Variants in SLCO1B3 observed in about 807,000 individuals in gnomAD.
SLCO1B3 encodes the protein liver-specific organic anion transporter 2.
In SLCO1B3, 72 loss-of-function variants were observed where a neutral mutation model predicts 71.8. The observed-to-expected ratio is 1.00, with a 90% CI of 0.83 to 1.22. SLCO1B3 has a LOEUF of 1.22. Ranked by LOEUF, SLCO1B3 falls within the 50% of genes most tolerant of loss-of-function variation. The probability of loss-of-function intolerance (pLI) is 0.00; values close to 1 mark genes in which losing one functional copy is unlikely to be tolerated. For synonymous variants in SLCO1B3, 298 were observed against 278.4 expected, an observed-to-expected ratio of 1.07 and a Z score of -0.70; for missense variants, 911 against 819.7, an observed-to-expected ratio of 1.11 and a Z score of -1.36.
chr12:20,837,012 C>A (rs1429203131), intron 3 of SLCO1B3, among the ~76,000 whole-genome samples: 1 of 152,152 alleles, frequency 6.6e-6, no homozygotes, highest in Non-Finnish European at 1.5e-5. Context: ...TAATTCAGAT[C>A]ATCAGTTTTT....
chr12:20,831,440 A>G (rs913851620), intron 3 of SLCO1B3, among the ~76,000 whole-genome samples: 14 of 151,986 alleles, frequency 9.2e-5, no homozygotes, highest in Admixed American at 1.3e-4. Flanking sequence ...TTGATTAATC[A>G]TATCTACAAG....
chr12:20,877,903 G>A lies in SLCO1B3; in HGVS notation c.1102G>A (p.Gly368Ser), dbSNP rs370237473. The change falls in exon 10 of 16, where the codon GGT becomes AGT. Residue 368 changes from glycine to serine, a missense_variant. Gly to Ser is a moderately conservative substitution (Grantham distance 56). Coordinates refer to ENST00000381545, the MANE Select transcript of SLCO1B3 (RefSeq NM_019844.4). ...CTTTAAATATATGGAGCAACAGTAC[G>A]GTCAGTCTGCATCTCATGCTAACTT... The part of the protein sequence containing the change: ...YVFKYMEQQY[G>S]QSASHANFLL... The A allele has an allele frequency of 1.3e-5, 20 of 1,590,926 alleles. No homozygotes were observed. Among genetic ancestry groups the A allele is most frequent in the African/African-American group, 9.5e-5 (7 of 73,310 alleles).
chr12:20,856,418 A>C (rs1251615725), intron 4 of SLCO1B3, among the ~76,000 whole-genome samples: 2 of 152,218 alleles, frequency 1.3e-5, no homozygotes, highest in African/African-American at 4.8e-5. Context: ...ATATTAATAA[A>C]AATGATGCGA....
chr12:20,886,169 A>G (rs1293691636), intron 13 of SLCO1B3, among the ~76,000 whole-genome samples: 3 of 152,042 alleles, frequency 2.0e-5, no homozygotes, highest in Admixed American at 6.6e-5. Context: ...TGGTGATACT[A>G]TTGAACAAAA....
At chr12:20,891,993 A>G (rs772397731) in intron 13 of SLCO1B3, among the ~76,000 whole-genome samples, 7 of 151,826 alleles carry the variant, frequency 4.6e-5, no homozygotes, top group Non-Finnish European at 7.4e-5. Flanking sequence ...ATCCCATATT[A>G]CTTGAAGGTC....
At chr12:20,870,099 C>T (rs577704690) in intron 8 of SLCO1B3, among the ~76,000 whole-genome samples, 27 of 152,150 alleles carry the variant, frequency 1.8e-4, no homozygotes, top group African/African-American at 6.5e-4. Context: ...TGTTGGATAT[C>T]TTTTCATATA....
chr12:20,834,811 C>A (rs1372042914), intron 3 of SLCO1B3, among the ~76,000 whole-genome samples: 8 of 152,086 alleles, frequency 5.3e-5, no homozygotes, highest in Non-Finnish European at 1.0e-4. Context: ...AGTGGATCTA[C>A]CATTCTGGGA....
At chr12:20,838,527 T>C (rs779016455) in intron 3 of SLCO1B3, among the ~76,000 whole-genome samples, 1 of 152,032 alleles carries the variant, frequency 6.6e-6, no homozygotes, top group Non-Finnish European at 1.5e-5. Context: ...TACAAATTTT[T>C]TAATTTTGCA....
chr12:20,814,542 A>C (rs1864157368), intron 2 of SLCO1B3, among the ~76,000 whole-genome samples: 1 of 152,320 alleles, frequency 6.6e-6, no homozygotes, highest in South Asian at 2.1e-4. Flanking sequence ...GAGTGCAGTA[A>C]TACTGGTATG....
At chr12:20,885,690 A>G (rs1298184284) in intron 13 of SLCO1B3, among the ~76,000 whole-genome samples, 2 of 151,918 alleles carry the variant, frequency 1.3e-5, no homozygotes, top group East Asian at 1.9e-4. Flanking sequence ...AGCAAAGACA[A>G]AGGCCCTTGG....
At chr12:20,856,758 A>G (rs1865148418) in intron 4 of SLCO1B3, among the ~76,000 whole-genome samples, 1 of 151,998 alleles carries the variant, frequency 6.6e-6, no homozygotes, top group Non-Finnish European at 1.5e-5. Context: ...ACAGGTTTTC[A>G]CCATTTGGCC....
At chr12:20,845,348 G>A (rs1023618676) in intron 3 of SLCO1B3, 12 of 203,964 alleles carry the variant, frequency 5.9e-5, no homozygotes, top group Non-Finnish European at 8.9e-5. Flanking sequence ...TGTCTTGGGC[G>A]CCCCTTGGAA....
rs116649926 is a variant in SLCO1B3 at position 20,835,410 on chromosome 12, G to A, written c.84+19588G>A. On this transcript the variant is annotated intron_variant, in intron 3 of 15. Transcript: ENST00000381545. Reference sequence around the variant, plus strand: ...TTTTTCTTTCCTACTGCATTGCCAGGCTGCAAATCTTTCACACTTTTATGT... The same window carrying A: ...TTTTTCTTTCCTACTGCATTGCCAGACTGCAAATCTTTCACACTTTTATGT... Among the ~76,000 whole-genome samples the A allele has an allele frequency of 5.6e-3, 856 of 152,148 alleles. 7 individuals carry two copies. The highest frequency in any genetic ancestry group is 0.02 in the African/African-American group (831 of 41,514).
At chr12:20,911,681 G>T (rs1866379778) in intron 15 of SLCO1B3, among the ~76,000 whole-genome samples, 1 of 152,066 alleles carries the variant, frequency 6.6e-6, no homozygotes, top group Admixed American at 6.6e-5. Flanking sequence ...ATCTTTCAAG[G>T]AATTGGTCCA....
chr12:20,888,607 C>G (rs1161542542), intron 13 of SLCO1B3, among the ~76,000 whole-genome samples: 1 of 151,816 alleles, frequency 6.6e-6, no homozygotes, highest in Non-Finnish European at 1.5e-5. Context: ...TTAGGGTTTT[C>G]TAGGTGTAAG....
At position 20,843,027 on chromosome 12, in the gene SLCO1B3, G is replaced by A. The variant is rs60371850; in HGVS notation, c.85-12001G>A. 1.2e-4 allele frequency among the ~76,000 whole-genome samples: 18 copies of A among 152,242 alleles called. 1 individual carries two copies. In the East Asian group the frequency reaches 3.5e-3, roughly 29 times the overall value. ...TTTTCAACCTCTGGAACTGTGACAAGTAAATTTCTGTTGTTTATAAGGTAC... is the reference window on the plus strand; with the variant it reads ...TTTTCAACCTCTGGAACTGTGACAAATAAATTTCTGTTGTTTATAAGGTAC... On this transcript the variant is annotated intron_variant, in intron 3 of 15. Coordinates refer to ENST00000381545, the MANE Select transcript of SLCO1B3 (RefSeq NM_019844.4).
At chr12:20,902,373 G>A (rs113009261) in intron 15 of SLCO1B3, 1,900 of 152,632 alleles carry the variant, frequency 0.012, 25 homozygotes, top group South Asian at 0.023. Flanking sequence ...GACTTGTGTG[G>A]GATGGTATCT....
At chr12:20,877,986 T>C (rs1865617189) in intron 10 of SLCO1B3, 50 bp downstream of exon 10, 1 of 1,203,246 alleles carries the variant, frequency 8.3e-7, no homozygotes. Flanking sequence ...CACTGCTGAG[T>C]ACTTGTGTTC....
At position 20,879,447 on chromosome 12, in the gene SLCO1B3, A is replaced by G. The variant is rs372972480; in HGVS notation, c.1147A>G (p.Ile383Val). The G allele has an allele frequency of 1.7e-5, 27 of 1,599,782 alleles. No individual in the cohort carries two copies. The Admixed American group carries it at 3.1e-4, about 18-fold the overall frequency. ...HANFLLGIIT[I>V]PTVATGMFLG... ...TCTTTTATTTCTAGGAATCATAACC[A>G]TTCCTACGGTTGCAACTGGAATGTT... Residue 383 changes from isoleucine (I) to valine (V), a missense_variant, in exon 11 of 16, where the codon ATT becomes GTT. By Grantham distance (29) the Ile-to-Val change is conservative (BLOSUM62 3). Transcript: ENST00000381545.
Sources: allele counts gnomAD v4.1 joint callset (sites outside exome capture counted in the v4.1 genomes callset), GRCh38; gene constraint gnomAD v4.1.1; transcripts MANE v1.5; gene names NCBI Gene and HGNC (gene_info 2026-07-23, HGNC 2026-07-21).